Variants in IYD observed in about 807,000 individuals in gnomAD.
IYD encodes the protein iodotyrosine deiodinase 1.
Under a neutral mutation model 28.4 loss-of-function variants are expected in IYD, and 25 were observed. The observed-to-expected ratio is 0.88, with a 90% CI of 0.64 to 1.23. The LOEUF (loss-of-function observed/expected upper bound fraction) is 1.23. IYD is among the 50% of genes most tolerant of loss of function. The pLI, the probability that IYD is intolerant of heterozygous loss-of-function variation, is 0.00. For missense variants in IYD, 352 were observed against 357.9 expected (o/e 0.98, Z 0.13); for synonymous variants, 140 against 130.8 (o/e 1.07, Z -0.48).
In IYD at chr6:150,369,218, A is replaced by G. The variant is rs1286982396; in HGVS notation, c.178+9A>G. Reference sequence around the variant, plus strand: ...GCACCAAGCAGAAGAAGGTAAAGACACCAGCTATGCTGCTTAGCTTCGCTG... The same window carrying G: ...GCACCAAGCAGAAGAAGGTAAAGACGCCAGCTATGCTGCTTAGCTTCGCTG... On this transcript the variant is annotated intron_variant, in intron 1 of 4. Transcript: ENST00000344419. 12 of 1,610,874 alleles carry G rather than the reference A, an allele frequency of 7.4e-6. No homozygotes were observed. The highest frequency in any genetic ancestry group is 9.3e-6 in the Non-Finnish European group (11 of 1,179,630).
At position 150,404,737 on chromosome 6, in the gene IYD, T is replaced by A. The variant is rs1263387538; in HGVS notation, c.*6500T>A. The A allele has an allele frequency of 6.6e-6, 1 of 152,218 alleles. No individual in the cohort carries two copies. The allele number at this position is 152,218 out of a possible 1,614,324, so 9.4% of individuals were successfully genotyped here. On this transcript the variant is annotated 3_prime_UTR_variant, in exon 5 of 5. Coordinates refer to ENST00000344419, the MANE Select transcript of IYD (RefSeq NM_203395.3). ...TTTATTTATTTGTTTACTAGTTTTA[T>A]AAATAGGATAATAAAATGTGTGTAT... is the stretch of plus-strand genomic sequence containing the variant.
Position 150,402,273 on chromosome 6 carries a change from G to C in IYD, c.*4036G>C, listed in dbSNP as rs1199786584. On this transcript the variant is annotated 3_prime_UTR_variant, in exon 5 of 5. Coordinates refer to ENST00000344419, the MANE Select transcript of IYD (RefSeq NM_203395.3). ...TGCCTCCTTCCTAGAGGCAGCAGGGGGAGAAAACACTGGAAGAGGTCACCC... is the reference window on the plus strand; with the variant it reads ...TGCCTCCTTCCTAGAGGCAGCAGGGCGAGAAAACACTGGAAGAGGTCACCC... 1 of 152,154 alleles carries C rather than the reference G, an allele frequency of 6.6e-6. No homozygotes were observed. Among genetic ancestry groups the C allele is most frequent in the Non-Finnish European group, 1.5e-5 (1 of 68,032 alleles). The allele number at this position is 152,154 out of a possible 1,614,324, so 9.4% of individuals were successfully genotyped here.
intron 1 of IYD, among the ~76,000 whole-genome samples, chr6:150,376,306 G>A (rs9384466): frequency 0.27 from 41,754 of 152,032 alleles, 7,196 homozygotes; most frequent in African/African-American, 0.49. Flanking sequence ...AAGGCATACA[G>A]ATTTATTTAA....
In IYD at chr6:150,403,335, T is replaced by A. The variant is rs1014377244; in HGVS notation, c.*5098T>A. 2.6e-5 allele frequency: 4 copies of A among 152,224 alleles called. No homozygotes were observed. The highest frequency in any genetic ancestry group is 9.6e-5 in the African/African-American group (4 of 41,464). The allele number at this position is 152,224 out of a possible 1,614,324, so 9.4% of individuals were successfully genotyped here. A position where few individuals can be genotyped will look rare whatever the true frequency, so the allele number is the denominator to read the frequency against. ...ACATCGTGTTTTCAATTCACACATA[T>A]ATACAAGTAATGAGAGGTCCAGAAG... On this transcript the variant is annotated 3_prime_UTR_variant, in exon 5 of 5. Transcript: ENST00000344419.
At chr6:150,389,654 T>C in intron 2 of IYD, 111 bp downstream of exon 2, 1 of 986,444 alleles carries the variant, frequency 1.0e-6, no homozygotes, top group South Asian at 1.3e-5. Context: ...TAGAGTGATA[T>C]GTTTATCTAT....
At position 150,403,741 on chromosome 6, in the gene IYD, G is replaced by C. The variant is rs912681368; in HGVS notation, c.*5504G>C. Reference sequence around the variant, plus strand: ...CTAAAAAGTCATGAGGCAGGGGATTGGTTTATGTTATTATCATGACCTGAG... The same window carrying C: ...CTAAAAAGTCATGAGGCAGGGGATTCGTTTATGTTATTATCATGACCTGAG... On this transcript the variant is annotated 3_prime_UTR_variant, in exon 5 of 5. Coordinates refer to ENST00000344419, the MANE Select transcript of IYD (RefSeq NM_203395.3). 2.6e-5 allele frequency: 4 copies of C among 152,224 alleles called. No individual in the cohort carries two copies. The highest frequency in any genetic ancestry group is 5.9e-5 in the Non-Finnish European group (4 of 68,054). The allele number at this position is 152,224 out of a possible 1,614,324, so 9.4% of individuals were successfully genotyped here. A position where few individuals can be genotyped will look rare whatever the true frequency, so the allele number is the denominator to read the frequency against.
intron 4 of IYD, chr6:150,396,656 C>G: frequency 2.4e-6 from 1 of 415,790 alleles, no homozygotes. Flanking sequence ...GGGCGGATCA[C>G]GAGGTCAGGA....
rs576856473 is a variant in IYD at position 150,395,161 on chromosome 6, G to C, written c.687+906G>C. Reference sequence around the variant, plus strand: ...ACGTGGCAGTTCCTGGGAGCCACTGGGGATAGTTGTCTGATGAACTGTATA... The same window carrying C: ...ACGTGGCAGTTCCTGGGAGCCACTGCGGATAGTTGTCTGATGAACTGTATA... On this transcript the variant is annotated intron_variant, in intron 4 of 4. Coordinates refer to ENST00000344419, the MANE Select transcript of IYD (RefSeq NM_203395.3). 2.0e-5 allele frequency among the ~76,000 whole-genome samples: 3 copies of C among 152,272 alleles called. No homozygotes were observed. In the South Asian group the frequency reaches 6.2e-4, roughly 32 times the overall value.
At chr6:150,389,941 CA>C (rs1778048467) in intron 2 of IYD, among the ~76,000 whole-genome samples, 1 of 152,010 alleles carries the variant, frequency 6.6e-6, no homozygotes, top group African/African-American at 2.4e-5. Context: ...TTTTTGGAAG[CA>C]AATTTCTTAT....
intron 2 of IYD, among the ~76,000 whole-genome samples, chr6:150,390,698 G>A (rs1345016454): frequency 6.6e-6 from 1 of 152,146 alleles, no homozygotes; most frequent in Non-Finnish European, 1.5e-5. Context: ...CCACCCATGA[G>A]TCACTGTGGT....
intron 2 of IYD, among the ~76,000 whole-genome samples, chr6:150,391,569 C>A (rs1317544120): frequency 3.3e-5 from 5 of 152,176 alleles, no homozygotes; most frequent in African/African-American, 1.2e-4. Flanking sequence ...GTTCCCACAA[C>A]CCTGGAACTA....
chr6:150,400,235 T>G lies in IYD; in HGVS notation c.*1998T>G, dbSNP rs1778469259. The G allele has an allele frequency of 6.6e-6, 1 of 152,086 alleles. No individual in the cohort carries two copies. Among genetic ancestry groups the G allele is most frequent in the African/African-American group, 2.4e-5 (1 of 41,406 alleles). The allele number at this position is 152,086 out of a possible 1,614,324, so 9.4% of individuals were successfully genotyped here. A position where few individuals can be genotyped will look rare whatever the true frequency, so the allele number is the denominator to read the frequency against. ...TTGAAAGATTTTTTTCTCTGTGTAG[T>G]TCGTGTTATCAATCTGATCTGCAGC... On this transcript the variant is annotated 3_prime_UTR_variant, in exon 5 of 5. Transcript: ENST00000344419.
intron 4 of IYD, among the ~76,000 whole-genome samples, chr6:150,397,153 T>C (rs1778353145): frequency 6.6e-6 from 1 of 152,192 alleles, no homozygotes; most frequent in South Asian, 2.1e-4. Context: ...TGCATGTATC[T>C]ATATATGGGT....
At chr6:150,382,490 A>G (rs1159555190) in intron 1 of IYD, among the ~76,000 whole-genome samples, 1 of 152,072 alleles carries the variant, frequency 6.6e-6, no homozygotes, top group African/African-American at 2.4e-5. Flanking sequence ...TCGGATTGGT[A>G]TTTTTCAACA....
At chr6:150,375,070 G>A (rs1196750890) in intron 1 of IYD, among the ~76,000 whole-genome samples, 1 of 152,122 alleles carries the variant, frequency 6.6e-6, no homozygotes, top group African/African-American at 2.4e-5. Flanking sequence ...ACCCACCTCA[G>A]TGCTACTAAT....
chr6:150,373,193 G>A (rs1452851637), intron 1 of IYD, among the ~76,000 whole-genome samples: 1 of 152,178 alleles, frequency 6.6e-6, no homozygotes, highest in African/African-American at 2.4e-5. Flanking sequence ...AAAGGCCTGA[G>A]TTAAAATTTT....
At chr6:150,381,369 T>A (rs969730151) in intron 1 of IYD, among the ~76,000 whole-genome samples, 4 of 152,252 alleles carry the variant, frequency 2.6e-5, no homozygotes, top group African/African-American at 9.6e-5. Context: ...TTCTCCTTTT[T>A]TAGAAGTTTT....
intron 1 of IYD, among the ~76,000 whole-genome samples, chr6:150,378,556 GC>G (rs1319613584): frequency 6.6e-6 from 1 of 152,102 alleles, no homozygotes; most frequent in Non-Finnish European, 1.5e-5. Flanking sequence ...ACCATCACTG[GC>G]CATCAGAGAA....
chr6:150,392,567 C>A, intron 3 of IYD, 63 bp downstream of exon 3: 2 of 1,506,220 alleles, frequency 1.3e-6, no homozygotes, highest in East Asian at 4.5e-5. Flanking sequence ...TCACCACCAC[C>A]ACCATGTCCT....
Sources: gnomAD v4.1 joint callset for allele counts (sites outside exome capture counted in the v4.1 genomes callset) on GRCh38, gnomAD v4.1.1 for gene constraint, MANE v1.5 for transcripts, NCBI Gene and HGNC (gene_info 2026-07-23, HGNC 2026-07-21) for gene names.